HEATR5A: variants seen among roughly 807,000 people sequenced by gnomAD.
HEATR5A encodes HEAT repeat-containing protein 5A.
Under a neutral mutation model 218.8 loss-of-function variants are expected in HEATR5A, and 178 were observed. The observed-to-expected ratio is 0.81, with a 90% CI of 0.72 to 0.92. HEATR5A has a LOEUF of 0.92. Ranked by LOEUF, HEATR5A falls within the 40% of genes least tolerant of loss-of-function variation. HEATR5A has a pLI of 0.00. For missense variants in HEATR5A, 2,420 were observed against 2,418.9 expected (o/e 1.00, Z -0.01); for synonymous variants, 864 against 871.6 (o/e 0.99, Z 0.15).
intron 4 of HEATR5A, among the ~76,000 whole-genome samples, chr14:31,397,203 T>C (rs1447178846): frequency 6.6e-6 from 1 of 152,176 alleles, no homozygotes; most frequent in Admixed American, 6.6e-5. Context: ...AATTTTCCCA[T>C]GTTTTGCCTT....
intron 35 of HEATR5A, 61 bp downstream of exon 35, chr14:31,293,830 A>T: frequency 7.3e-7 from 1 of 1,368,446 alleles, no homozygotes; most frequent in East Asian, 2.5e-5. Flanking sequence ...TTTGCAATTT[A>T]AATAACAGTA....
chr14:31,313,663 C>T (rs1476586977), intron 27 of HEATR5A, among the ~76,000 whole-genome samples: 2 of 152,114 alleles, frequency 1.3e-5, no homozygotes, highest in African/African-American at 4.8e-5. Context: ...CATGCACTAT[C>T]CCTTTATCTA....
intron 33 of HEATR5A, among the ~76,000 whole-genome samples, chr14:31,301,760 TGG>T (rs1367669349): frequency 1.3e-5 from 2 of 150,896 alleles, no homozygotes; most frequent in Non-Finnish European, 2.9e-5. Context: ...CCCAAAGTGC[TGG>T]GATTGTAGAC....
rs1202451133 is a variant in HEATR5A at position 31,364,193 on chromosome 14, A to AT, written c.2066dup (p.Tyr689Ter). The change falls in exon 14 of 36, where the codon TAT becomes TAAT. Residue 689 changes from tyrosine to a stop codon, truncating the protein, a stop_gained and frameshift_variant. Transcript: ENST00000543095. LOFTEE classifies it high-confidence loss of function. ...ATTTTGGTCTAAGGCACATACCTTC[A>AT]TAGGTCTCAGGAGGTAATAAAATCA... ...ELLILLPPET[Y>*]EGNLCAILRE... is the part of the protein sequence containing the mutation. 6.8e-7 allele frequency: 1 copy of AT among 1,461,780 alleles called. No homozygotes were observed. Among genetic ancestry groups the AT allele is most frequent in the Non-Finnish European group, 9.3e-7 (1 of 1,073,044 alleles). The allele number at this position is 1,461,780 out of a possible 1,614,324, so 90.6% of individuals were successfully genotyped here.
intron 33 of HEATR5A, among the ~76,000 whole-genome samples, chr14:31,300,406 T>C (rs1346740452): frequency 6.6e-6 from 1 of 151,876 alleles, no homozygotes; most frequent in Non-Finnish European, 1.5e-5. Context: ...CTAGAATCCA[T>C]TTCTATGATG....
Position 31,293,085 on chromosome 14 carries a change from T to C in HEATR5A, c.*220A>G, listed in dbSNP as rs193176387. 1.4e-3 allele frequency: 615 copies of C among 440,614 alleles called. 1 individual carries two copies. The highest frequency in any genetic ancestry group is 2.0e-3 in the Non-Finnish European group (491 of 251,558). 27.3% of individuals were successfully genotyped at this position (440,614 alleles called of 1,614,324 possible). On this transcript the variant is annotated 3_prime_UTR_variant, in exon 36 of 36. Coordinates refer to ENST00000543095, the MANE Select transcript of HEATR5A (RefSeq NM_015473.4). ...TAAAATTCCTGGCAAGTTAGCTCCA[T>C]TGTCTTTTTAAATAGAAAAACAAAA... is the stretch of plus-strand genomic sequence containing the variant.
At chr14:31,341,868 T>A (rs941111757) in intron 21 of HEATR5A, among the ~76,000 whole-genome samples, 3 of 152,110 alleles carry the variant, frequency 2.0e-5, no homozygotes, top group African/African-American at 7.2e-5. Context: ...TTAATTTAAA[T>A]GGAGAGTAAA....
Position 31,350,608 on chromosome 14 carries a change from T to C in HEATR5A, c.2517+4A>G, listed in dbSNP as rs1166319737. ...AACATTTAAATGAAAAAAATAATAATTACCTTCAAGAAACTAGAAACTGAA... is the reference window on the plus strand; with the variant it reads ...AACATTTAAATGAAAAAAATAATAACTACCTTCAAGAAACTAGAAACTGAA... On this transcript the variant is annotated splice_donor_region_variant and intron_variant, in intron 17 of 35. Transcript: ENST00000543095. The C allele has an allele frequency of 2.0e-6, 3 of 1,492,404 alleles. No individual in the cohort carries two copies. In the African/African-American group the frequency reaches 4.2e-5, roughly 21 times the overall value. 92.4% of individuals were successfully genotyped at this position (1,492,404 alleles called of 1,614,324 possible).
At chr14:31,417,809 A>G (rs2031505208) in intron 1 of HEATR5A, among the ~76,000 whole-genome samples, 1 of 152,050 alleles carries the variant, frequency 6.6e-6, no homozygotes, top group Non-Finnish European at 1.5e-5. Flanking sequence ...AGGTAAATGT[A>G]GCAGAAAAAC....
At chr14:31,305,925 T>A (rs1408614029) in intron 31 of HEATR5A, among the ~76,000 whole-genome samples, 1 of 152,226 alleles carries the variant, frequency 6.6e-6, no homozygotes, top group Non-Finnish European at 1.5e-5. Context: ...TCCACTGTTA[T>A]ATTGGGTTTT....
At chr14:31,391,156 A>G (rs898272164) in intron 6 of HEATR5A, among the ~76,000 whole-genome samples, 1 of 152,224 alleles carries the variant, frequency 6.6e-6, no homozygotes, top group Non-Finnish European at 1.5e-5. Context: ...CTACGTTTTA[A>G]GCTAAATGTT....
intron 35 of HEATR5A, 34 bp from the exon 36 acceptor site, chr14:31,293,646 CAT>C: frequency 6.5e-7 from 1 of 1,540,996 alleles, no homozygotes; most frequent in Non-Finnish European, 8.7e-7. Context: ...AGTTCAGTGA[CAT>C]AAATGTTTCT....
chr14:31,372,861 C>A (rs1013751125), intron 12 of HEATR5A, among the ~76,000 whole-genome samples: 30 of 151,848 alleles, frequency 2.0e-4, no homozygotes, highest in African/African-American at 5.8e-4. Flanking sequence ...CTGATCAATT[C>A]TTTTCTCTCT....
At chr14:31,336,460 G>A (rs537190057) in intron 22 of HEATR5A, among the ~76,000 whole-genome samples, 2 of 151,614 alleles carry the variant, frequency 1.3e-5, no homozygotes, top group Admixed American at 6.6e-5. Context: ...AAGTGCTTAA[G>A]ATTACAGGTG....
At chr14:31,362,506 T>G (rs867416260) in intron 14 of HEATR5A, among the ~76,000 whole-genome samples, 5 of 145,864 alleles carry the variant, frequency 3.4e-5, no homozygotes, top group Non-Finnish European at 7.4e-5. Flanking sequence ...CTCATGACTG[T>G]AATCCCAACA....
At chr14:31,380,376 A>G (rs964076337) in intron 11 of HEATR5A, 91 bp downstream of exon 11, 2 of 818,904 alleles carry the variant, frequency 2.4e-6, no homozygotes, top group Non-Finnish European at 3.9e-6. Flanking sequence ...GTATGTATTA[A>G]AAGTTCATTT....
intron 27 of HEATR5A, among the ~76,000 whole-genome samples, chr14:31,314,925 C>A (rs1259039862): frequency 6.6e-6 from 1 of 152,084 alleles, no homozygotes. Context: ...GTGATCCGAG[C>A]ACTTTAAGAG....
intron 4 of HEATR5A, among the ~76,000 whole-genome samples, chr14:31,397,405 C>T (rs111699394): frequency 0.088 from 13,392 of 151,788 alleles, 677 homozygotes; most frequent in East Asian, 0.16. Context: ...TGCCTGTAAT[C>T]CTAGCACTTT....
In HEATR5A at chr14:31,378,239, A is replaced by G. The variant is rs114705089; in HGVS notation, c.1708+2228T>C. 1.2e-3 allele frequency among the ~76,000 whole-genome samples: 177 copies of G among 152,192 alleles called. 1 individual carries two copies. The highest frequency in any genetic ancestry group is 3.8e-3 in the African/African-American group (159 of 41,478). ...ACATACTTCCTGTTGCAATTACTCA[A>G]CTCTGCCACTGTACACCTAAAGGTC... On this transcript the variant is annotated intron_variant, in intron 11 of 35. Coordinates refer to ENST00000543095, the MANE Select transcript of HEATR5A (RefSeq NM_015473.4).
Sources: gnomAD v4.1 joint callset for allele counts (sites outside exome capture counted in the v4.1 genomes callset) on GRCh38, gnomAD v4.1.1 for gene constraint, MANE v1.5 for transcripts, NCBI Gene and HGNC (gene_info 2026-07-23, HGNC 2026-07-21) for gene names.